Variants in LRIG2 observed in about 807,000 individuals in gnomAD.
LRIG2 encodes leucine rich repeats and immunoglobulin like domains 2, also known as leucine-rich repeats and immunoglobulin-like domains protein 2.
A neutral mutation model predicts 107.8 loss-of-function variants in LRIG2; 93 were observed. The observed-to-expected ratio is 0.86, with a 90% CI of 0.73 to 1.03. The LOEUF (loss-of-function observed/expected upper bound fraction) is 1.03, where lower values mean the gene tolerates loss of function less well. LRIG2 is among the 50% of genes least tolerant of loss of function. LRIG2 has a pLI of 0.00. For synonymous variants in LRIG2, 471 were observed against 470.6 expected (o/e 1.00, Z -0.01); for missense variants, 1,226 against 1,296.0 (o/e 0.95, Z 0.83).
intron 11 of LRIG2, among the ~76,000 whole-genome samples, chr1:113,102,992 A>T (rs917792421): frequency 9.1e-5 from 8 of 87,452 alleles, no homozygotes; most frequent in Admixed American, 1.6e-4. Context: ...ACAAATTAGT[A>T]TACTCCGCCC....
chr1:113,088,716 G>A (rs1653662621), intron 1 of LRIG2, among the ~76,000 whole-genome samples: 2 of 152,198 alleles, frequency 1.3e-5, no homozygotes, highest in Non-Finnish European at 2.9e-5. Flanking sequence ...CCAGCTTGGA[G>A]TAGAATATAG....
intron 9 of LRIG2, among the ~76,000 whole-genome samples, chr1:113,099,557 G>GT (rs1338792632): frequency 3.3e-5 from 5 of 151,802 alleles, no homozygotes; most frequent in Admixed American, 6.6e-5. Flanking sequence ...TTGTTTTTGT[G>GT]TTTTTTTGTT....
In LRIG2 at chr1:113,105,148, A is replaced by AAAAT. The variant is rs565129274; in HGVS notation, c.1314-2426_1314-2423dup. On this transcript the variant is annotated intron_variant, in intron 11 of 17. Transcript: ENST00000361127. ...GTGACAGAGCAAGACTCTGTCTCAA[A>AAAAT]AAATAAATAAATAAATAAATAAAGT... Among the ~76,000 whole-genome samples, 427 of 152,190 alleles carry AAAAT rather than the reference A, an allele frequency of 2.8e-3. 2 individuals are homozygous for AAAAT. Among genetic ancestry groups the AAAAT allele is most frequent in the African/African-American group, 8.8e-3 (367 of 41,508 alleles).
chr1:113,075,960 G>T (rs1377220761), intron 1 of LRIG2, among the ~76,000 whole-genome samples: 1 of 150,586 alleles, frequency 6.6e-6, no homozygotes, highest in Non-Finnish European at 1.5e-5. Context: ...GCCTCCCAAA[G>T]TGCTGGGGTT....
intron 9 of LRIG2, 91 bp downstream of exon 9, chr1:113,098,876 T>A: frequency 1.3e-6 from 1 of 798,372 alleles, no homozygotes; most frequent in African/African-American, 1.7e-5. Context: ...TTCATATGGC[T>A]ACAAAGTCTG....
At chr1:113,078,852 C>G (rs1316032748) in intron 1 of LRIG2, among the ~76,000 whole-genome samples, 2 of 151,998 alleles carry the variant, frequency 1.3e-5, no homozygotes, top group African/African-American at 4.8e-5. Context: ...GTTGGTCAGG[C>G]TGGTCTCAAA....
At position 113,087,502 on chromosome 1, in the gene LRIG2, C is replaced by G. The variant is rs531884798; in HGVS notation, c.240-3816C>G. Among the ~76,000 whole-genome samples, 38 of 152,242 alleles carry G rather than the reference C, an allele frequency of 2.5e-4. No individual in the cohort carries two copies. The East Asian group carries it at 7.4e-3, about 29-fold the overall frequency. ...TACCTGGGATTACAGGTGCTTGCCA[C>G]CATGCCTGGCTAATTTTTGTATTTT... On this transcript the variant is annotated intron_variant, in intron 1 of 17. Transcript: ENST00000361127.
chr1:113,110,165 T>G (rs1654707475), intron 12 of LRIG2, 77 bp from the exon 13 acceptor site: 1 of 1,024,678 alleles, frequency 9.8e-7, no homozygotes, highest in Non-Finnish European at 1.4e-6. Flanking sequence ...CACACAATTT[T>G]ATAGTATTTT....
At chr1:113,081,597 T>C (rs1653289169) in intron 1 of LRIG2, among the ~76,000 whole-genome samples, 1 of 152,122 alleles carries the variant, frequency 6.6e-6, no homozygotes, top group Non-Finnish European at 1.5e-5. Context: ...TTCAGCTCAG[T>C]GCAGCCTCTG....
At chr1:113,096,108 C>T (rs1654054289) in intron 7 of LRIG2, 91 bp downstream of exon 7, 1 of 1,578,304 alleles carries the variant, frequency 6.3e-7, no homozygotes, top group Admixed American at 1.7e-5. Context: ...GATGTAACAT[C>T]CCTCTTTACT....
At position 113,073,213 on chromosome 1, in the gene LRIG2, G is replaced by C. The variant is rs146686899; in HGVS notation, c.-194G>C. ...GGGGAGGGGCGGACGAGAGGTGTCC[G>C]TCAGGCCGTGTGTCCCAGGCCGTCG... On this transcript the variant is annotated 5_prime_UTR_variant, in exon 1 of 18. Coordinates refer to ENST00000361127, the MANE Select transcript of LRIG2 (RefSeq NM_014813.3). The C allele has an allele frequency of 2.5e-3, 1,497 of 592,016 alleles. 36 individuals are homozygous for C. In the East Asian group the frequency reaches 0.039, roughly 15 times the overall value. 36.7% of individuals were successfully genotyped at this position (592,016 alleles called of 1,614,324 possible).
chr1:113,102,139 A>T (rs1407504469), intron 11 of LRIG2, among the ~76,000 whole-genome samples: 1 of 152,260 alleles, frequency 6.6e-6, no homozygotes, highest in African/African-American at 2.4e-5. Flanking sequence ...CTTTCCAGGC[A>T]CAAGGAGTAG....
intron 1 of LRIG2, among the ~76,000 whole-genome samples, chr1:113,086,786 A>C (rs1653575150): frequency 6.6e-6 from 1 of 152,210 alleles, no homozygotes; most frequent in Non-Finnish European, 1.5e-5. Context: ...GATTAGCATG[A>C]GTGGGAACTG....
chr1:113,109,459 AAT>A (rs1654678064), intron 12 of LRIG2, among the ~76,000 whole-genome samples: 1 of 152,226 alleles, frequency 6.6e-6, no homozygotes. Flanking sequence ...TTCTCTGTGA[AAT>A]ATAAATCATT....
rs1383173921 is a variant in LRIG2 at position 113,129,990 on chromosome 1, C to T, written c.*5889C>T. On this transcript the variant is annotated 3_prime_UTR_variant, in exon 18 of 18. Coordinates refer to ENST00000361127, the MANE Select transcript of LRIG2 (RefSeq NM_014813.3). ...ACTGTCGTCACTGCAGCCTTGATAT[C>T]TCAAGCCCAAGTGATCCTCCCACCT... is the stretch of plus-strand genomic sequence containing the variant. The T allele has an allele frequency of 6.6e-6, 1 of 152,106 alleles. No homozygotes were observed. Among genetic ancestry groups the T allele is most frequent in the Non-Finnish European group, 1.5e-5 (1 of 68,052 alleles). The allele number at this position is 152,106 out of a possible 1,614,324, so 9.4% of individuals were successfully genotyped here.
intron 1 of LRIG2, among the ~76,000 whole-genome samples, chr1:113,077,514 A>G (rs1653036374): frequency 6.6e-6 from 1 of 152,206 alleles, no homozygotes; most frequent in African/African-American, 2.4e-5. Flanking sequence ...TGAATTATAT[A>G]TATACTTAGT....
chr1:113,092,159 C>T (rs1653858412), intron 2 of LRIG2, among the ~76,000 whole-genome samples: 1 of 152,154 alleles, frequency 6.6e-6, no homozygotes, highest in African/African-American at 2.4e-5. Context: ...TGAGGAAAGG[C>T]CTGAAAATGC....
rs1655382642 is a variant in LRIG2, at chr1:113,124,041, G to A, written c.3138G>A (p.Gln1046=). 2 of 1,614,030 alleles carry A rather than the reference G, an allele frequency of 1.2e-6. No individual in the cohort carries two copies. The highest frequency in any genetic ancestry group is 1.7e-6 in the Non-Finnish European group (2 of 1,180,052). ...CTTCCATGTCCTGCCACAGGTTACA[G>A]GATCATGCTTTTGATTTTAGTAGGA... The part of the protein sequence containing the change: ...SASSMSCHRL[Q]DHAFDFSRTR... Residue 1046 remains glutamine (Q), a synonymous_variant, in exon 18 of 18, where the codon CAG becomes CAA. Transcript: ENST00000361127.
At chr1:113,091,048 C>T (rs1653798658) in intron 1 of LRIG2, among the ~76,000 whole-genome samples, 1 of 151,478 alleles carries the variant, frequency 6.6e-6, no homozygotes, top group Admixed American at 6.6e-5. Flanking sequence ...GATGGGGTTT[C>T]ACCAGGTGAT....
Sources: gnomAD v4.1 joint callset for allele counts (sites outside exome capture counted in the v4.1 genomes callset) on GRCh38, gnomAD v4.1.1 for gene constraint, MANE v1.5 for transcripts, NCBI Gene and HGNC (gene_info 2026-07-23, HGNC 2026-07-21) for gene names.